GGH: variants seen among roughly 807,000 people sequenced by gnomAD.
GGH encodes the protein gamma-Glu-X carboxypeptidase.
Under a neutral mutation model 39.2 loss-of-function variants are expected in GGH, and 18 were observed. The ratio of observed to expected loss-of-function variants is 0.46; its 90% CI spans 0.32 to 0.68. The LOEUF is 0.68. Ranked by LOEUF, GGH falls within the 30% of genes least tolerant of loss-of-function variation. GGH has a pLI of 0.04. For synonymous variants in GGH, 147 were observed against 138.8 expected, an observed-to-expected ratio of 1.06 and a Z score of -0.42; for missense variants, 367 against 384.1, an observed-to-expected ratio of 0.96 and a Z score of 0.37.
chr8:63,017,604 G>A lies in GGH; in HGVS notation c.724C>T (p.Gln242Ter), dbSNP rs759698510. 1 of 1,599,782 alleles carries A rather than the reference G, an allele frequency of 6.3e-7. No individual in the cohort carries two copies. Among genetic ancestry groups the A allele is most frequent in the East Asian group, 2.2e-5 (1 of 44,760 alleles). ...EGYKYPVYGV[Q>*]WHPEKAPYEW... ...TAAGGTGCTTTCTCTGGATGCCACT[G>A]GACACCATATACTGGATACTTATAT... Residue 242 changes from glutamine (Q) to a stop codon, truncating the protein, a stop_gained, in exon 8 of 9, where the codon CAG becomes TAG. Transcript: ENST00000260118. LOFTEE classifies it high-confidence loss of function.
intron 3 of GGH, chr8:63,028,031 T>C (rs1440830220): frequency 6.6e-6 from 1 of 152,178 alleles, no homozygotes; most frequent in Non-Finnish European, 1.5e-5. Flanking sequence ...ATTAATCATA[T>C]TAAAATTTTG....
chr8:63,038,789 G>C lies in GGH; in HGVS notation c.-21C>G. The C allele has an allele frequency of 6.9e-7, 1 of 1,447,154 alleles. No individual in the cohort carries two copies. Among genetic ancestry groups the C allele is most frequent in the East Asian group, 2.6e-5 (1 of 38,972 alleles). 89.6% of individuals were successfully genotyped at this position (1,447,154 alleles called of 1,614,324 possible). A position where few individuals can be genotyped will look rare whatever the true frequency, so the allele number is the denominator to read the frequency against. On this transcript the variant is annotated 5_prime_UTR_variant, in exon 1 of 9. Transcript: ENST00000260118. ...GCCATGGCGCTCGCCGCCTCCCGCC[G>C]CCTTTCAAAAGCTCTGCGGGCGGGC...
chr8:63,023,813 C>T (rs1804637129), intron 7 of GGH, 94 bp downstream of exon 7: 1 of 964,238 alleles, frequency 1.0e-6, no homozygotes, highest in African/African-American at 1.7e-5. Flanking sequence ...TCTTCAAGCC[C>T]CAAAGTAATA....
intron 1 of GGH, among the ~76,000 whole-genome samples, chr8:63,037,904 G>A (rs1804940402): frequency 1.3e-5 from 2 of 152,138 alleles, no homozygotes; most frequent in Non-Finnish European, 2.9e-5. Context: ...AGAATACAGT[G>A]ATAATATTCA....
intron 2 of GGH, among the ~76,000 whole-genome samples, chr8:63,035,385 A>G (rs144960948): frequency 4.9e-4 from 75 of 152,296 alleles, no homozygotes; most frequent in African/African-American, 1.7e-3. Flanking sequence ...AACTCACTGC[A>G]ACCTCCACCT....
intron 2 of GGH, 21 bp downstream of exon 2, chr8:63,035,635 A>AG (rs1364887036): frequency 1.1e-5 from 18 of 1,581,806 alleles, no homozygotes; most frequent in Non-Finnish European, 1.5e-5. Context: ...GTAAAAAAAA[A>AG]AAAAAAACAC....
rs1202419726 is a variant in GGH, at chr8:63,017,823, T to A, written c.698-193A>T. 2.7e-5 allele frequency: 13 copies of A among 479,800 alleles called. 1 individual carries two copies. Among genetic ancestry groups the A allele is most frequent in the Non-Finnish European group, 4.4e-5 (12 of 274,278 alleles). The allele number at this position is 479,800 out of a possible 1,614,324, so 29.7% of individuals were successfully genotyped here. A position where few individuals can be genotyped will look rare whatever the true frequency, so the allele number is the denominator to read the frequency against. The stretch of plus-strand genomic sequence containing the variant: ...GAAAATTCCCTGTAACGTATTTCAC[T>A]GATTAGCAACCTTTTACAATCTGTA... On this transcript the variant is annotated intron_variant, in intron 7 of 8. Transcript: ENST00000260118.
rs766116480 is a variant in GGH at position 63,023,949 on chromosome 8, T to C, written c.655A>G (p.Thr219Ala). The C allele has an allele frequency of 6.3e-7, 1 of 1,594,868 alleles. No homozygotes were observed. Among genetic ancestry groups the C allele is most frequent in the South Asian group, 1.1e-5 (1 of 89,282 alleles). The stretch of plus-strand genomic sequence containing the variant: ...AACTCAATCTTGCCATCTGTATTTG[T>C]AGTTAAGACATTGAAAAACTTCTTT... ...KLKKFFNVLT[T>A]NTDGKIEFIS... Residue 219 changes from threonine to alanine, a missense_variant, in exon 7 of 9, where the codon ACA becomes GCA. By Grantham distance (58) the Thr-to-Ala change is moderately conservative (BLOSUM62 0). Coordinates refer to ENST00000260118, the MANE Select transcript of GGH (RefSeq NM_003878.3).
At chr8:63,024,318 T>C in intron 5 of GGH, 132 bp from the exon 6 acceptor site, 1 of 591,158 alleles carries the variant, frequency 1.7e-6, no homozygotes, top group African/African-American at 1.9e-5. Context: ...GCAAAACACA[T>C]CATTTCCATA....
chr8:63,017,930 AT>A (rs758886500), intron 7 of GGH: 38 of 240,282 alleles, frequency 1.6e-4, no homozygotes, highest in Non-Finnish European at 2.5e-4. Flanking sequence ...TCAGATGCAC[AT>A]TTTATTGGTG....
chr8:63,015,491 G>A (rs766620511), intron 8 of GGH, 38 bp from the exon 9 acceptor site: 4 of 1,357,968 alleles, frequency 2.9e-6, no homozygotes, highest in Middle Eastern at 2.3e-4. Flanking sequence ...AAGATCAGAT[G>A]ACAAAATCTT....
intron 3 of GGH, 108 bp from the exon 4 acceptor site, chr8:63,027,373 G>A: frequency 1.7e-6 from 1 of 596,566 alleles, no homozygotes; most frequent in Non-Finnish European, 3.0e-6. Context: ...TATTACATAT[G>A]CAATAAGATC....
At chr8:63,036,643 C>CA (rs1468697062) in intron 1 of GGH, among the ~76,000 whole-genome samples, 1 of 152,194 alleles carries the variant, frequency 6.6e-6, no homozygotes, top group Non-Finnish European at 1.5e-5. Context: ...GAAGGTAAAA[C>CA]ATGACATTTG....
At chr8:63,022,180 C>A (rs1804599262) in intron 7 of GGH, among the ~76,000 whole-genome samples, 1 of 151,844 alleles carries the variant, frequency 6.6e-6, no homozygotes, top group South Asian at 2.1e-4. Flanking sequence ...ATTTTGTCTT[C>A]AAAACTCCTT....
intron 1 of GGH, among the ~76,000 whole-genome samples, chr8:63,036,213 T>G (rs1291663899): frequency 6.6e-6 from 1 of 152,090 alleles, no homozygotes; most frequent in Non-Finnish European, 1.5e-5. Flanking sequence ...ATATCTACCC[T>G]CTCCCCACCA....
intron 2 of GGH, among the ~76,000 whole-genome samples, chr8:63,030,941 C>T (rs1804791385): frequency 6.6e-6 from 1 of 152,162 alleles, no homozygotes; most frequent in Non-Finnish European, 1.5e-5. Context: ...TACTAAGTCA[C>T]AGATATCTGC....
At chr8:63,015,597 C>A in intron 8 of GGH, 144 bp from the exon 9 acceptor site, 1 of 421,824 alleles carries the variant, frequency 2.4e-6, no homozygotes, top group Non-Finnish European at 4.1e-6. Context: ...TCCTATAGAA[C>A]AGCCATCTTT....
chr8:63,028,986 T>C (rs979141613), intron 3 of GGH, among the ~76,000 whole-genome samples: 22 of 152,344 alleles, frequency 1.4e-4, no homozygotes, highest in Middle Eastern at 3.4e-3. Context: ...ATACTGGGCA[T>C]TGTAAATGTT....
chr8:63,036,841 C>T (rs1277281124), intron 1 of GGH, among the ~76,000 whole-genome samples: 1 of 152,182 alleles, frequency 6.6e-6, no homozygotes, highest in Admixed American at 6.5e-5. Context: ...CATCAGGTAG[C>T]GATAGATCAG....
Sources: allele counts gnomAD v4.1 joint callset (sites outside exome capture counted in the v4.1 genomes callset), GRCh38; gene constraint gnomAD v4.1.1; transcripts MANE v1.5; gene names NCBI Gene and HGNC (gene_info 2026-07-23, HGNC 2026-07-21).